PDCD1LG2: variants seen among roughly 807,000 people sequenced by gnomAD.
PDCD1LG2 encodes programmed cell death 1 ligand 2, also known as B7 dendritic cell molecule.
PDCD1LG2 carries 32 observed loss-of-function variants against 28.2 expected under a neutral mutation model. That is an observed-to-expected ratio of 1.13 (90% CI 0.86 to 1.52). The LOEUF (loss-of-function observed/expected upper bound fraction) is 1.52, where lower values mean the gene tolerates loss of function less well. Among genes scored for constraint, PDCD1LG2 ranks in the 40% most tolerant of loss-of-function variants. The pLI is 0.00. For synonymous variants in PDCD1LG2, 116 were observed against 120.2 expected, an observed-to-expected ratio of 0.97 and a Z score of 0.23; for missense variants, 385 against 323.8, an observed-to-expected ratio of 1.19 and a Z score of -1.45.
chr9:5,516,829 G>T (rs1194051741), intron 1 of PDCD1LG2, among the ~76,000 whole-genome samples: 4 of 152,248 alleles, frequency 2.6e-5, no homozygotes, highest in Non-Finnish European at 4.4e-5. Context: ...AGTGGGAAGA[G>T]GCCAGGGAGT....
At position 5,557,752 on chromosome 9, in the gene PDCD1LG2, G is replaced by A. The variant is rs1816475029; in HGVS notation, c.766G>A (p.Asp256Asn). 16 of 1,613,918 alleles carry A rather than the reference G, an allele frequency of 9.9e-6. No homozygotes were observed. Among genetic ancestry groups the A allele is most frequent in the Non-Finnish European group, 1.4e-5 (16 of 1,179,840 alleles). ...QLCQKLYSSKDTTKRPVTTTK... is the reference protein window; with the variant it reads ...QLCQKLYSSKNTTKRPVTTTK... ...CTGTCAAAAGCTGTATTCTTCAAAAGGTAAGTGAGTTTTATTCATGGTAAC... is the reference window on the plus strand; with the variant it reads ...CTGTCAAAAGCTGTATTCTTCAAAAAGTAAGTGAGTTTTATTCATGGTAAC... The change falls in exon 5 of 7, where the codon GAC (aspartate) becomes AAC (asparagine). Residue 256 changes from aspartate (D) to asparagine (N), a missense_variant and splice_region_variant. By Grantham distance (23) the Asp-to-Asn change is conservative. Coordinates refer to ENST00000397747, the MANE Select transcript of PDCD1LG2 (RefSeq NM_025239.4).
chr9:5,532,675 C>T (rs1820505154), intron 2 of PDCD1LG2, among the ~76,000 whole-genome samples: 1 of 152,146 alleles, frequency 6.6e-6, no homozygotes. Flanking sequence ...CAGCAGAAAA[C>T]CCAAAAGTTA....
At chr9:5,552,218 T>C (rs1474731180) in intron 4 of PDCD1LG2, among the ~76,000 whole-genome samples, 1 of 152,188 alleles carries the variant, frequency 6.6e-6, no homozygotes, top group African/African-American at 2.4e-5. Context: ...CTCCATTATG[T>C]AGCAGTGTTC....
chr9:5,521,837 C>G (rs188206402), intron 1 of PDCD1LG2, among the ~76,000 whole-genome samples: 50 of 152,308 alleles, frequency 3.3e-4, no homozygotes, highest in Non-Finnish European at 8.8e-5. Context: ...GCTGTGTGCT[C>G]TGTCCCTTTC....
chr9:5,540,605 G>C (rs1218629590), intron 3 of PDCD1LG2, among the ~76,000 whole-genome samples: 1 of 151,986 alleles, frequency 6.6e-6, no homozygotes, highest in Non-Finnish European at 1.5e-5. Flanking sequence ...GTACAAACTA[G>C]AAAAGCTAGA....
In PDCD1LG2 at chr9:5,552,588, T is replaced by C. The variant is rs182493518; in HGVS notation, c.631+2984T>C. ...ACAGAACTACCACCATCAAGTACAG[T>C]TGGGGTGAGGCAGACATGGTATGAG... is the stretch of plus-strand genomic sequence containing the variant. On this transcript the variant is annotated intron_variant, in intron 4 of 6. Transcript: ENST00000397747. Among the ~76,000 whole-genome samples, 274 of 152,242 alleles carry C rather than the reference T, an allele frequency of 1.8e-3. 5 individuals are homozygous for C. Among genetic ancestry groups the C allele is most frequent in the Admixed American group, 0.015 (234 of 15,292 alleles).
intron 3 of PDCD1LG2, among the ~76,000 whole-genome samples, chr9:5,545,883 G>T (rs1391374249): frequency 6.6e-6 from 1 of 152,256 alleles, no homozygotes; most frequent in East Asian, 1.9e-4. Context: ...GCTGTAGAAG[G>T]TGTTTTTCAT....
chr9:5,563,280 C>A, intron 6 of PDCD1LG2, 69 bp downstream of exon 6: 1 of 1,310,324 alleles, frequency 7.6e-7, no homozygotes, highest in South Asian at 1.3e-5. Flanking sequence ...TTTAAAGTAA[C>A]CACTGTTCTA....
rs1204038026 is a variant in PDCD1LG2 at position 5,515,922 on chromosome 9, CAAAAAAAAAAA to C, written c.-15+5136_-15+5146del. Among the ~76,000 whole-genome samples the C allele has an allele frequency of 1.3e-3, 39 of 30,304 alleles. 2 individuals are homozygous for C. In the Admixed American group the frequency reaches 0.018, roughly 14 times the overall value. 19.9% of individuals were successfully genotyped at this position (30,304 alleles called of 152,430 possible). On this transcript the variant is annotated intron_variant, in intron 1 of 6. Coordinates refer to ENST00000397747, the MANE Select transcript of PDCD1LG2 (RefSeq NM_025239.4). ...TGGGTGAGAGAGCAAGACTCCATCTCAAAAAAAAAAAAAAAAAAAAAAAAAAAGAAAAGAAA... is the reference window on the plus strand; with the variant it reads ...TGGGTGAGAGAGCAAGACTCCATCTCAAAAAAAAAAAAAAAAGAAAAGAAA...
chr9:5,563,853 C>T (rs1022489036), intron 6 of PDCD1LG2, among the ~76,000 whole-genome samples: 2 of 152,146 alleles, frequency 1.3e-5, no homozygotes, highest in Non-Finnish European at 1.5e-5. Context: ...TCTGGGAAAC[C>T]TCAGTTTTTT....
chr9:5,528,504 T>C (rs1820422158), intron 2 of PDCD1LG2, among the ~76,000 whole-genome samples: 1 of 150,704 alleles, frequency 6.6e-6, no homozygotes, highest in South Asian at 2.1e-4. Context: ...GGGGTCTCCT[T>C]GTGTTTCCCA....
intron 2 of PDCD1LG2, among the ~76,000 whole-genome samples, chr9:5,526,400 C>T (rs1270155674): frequency 6.6e-6 from 1 of 152,148 alleles, no homozygotes; most frequent in Non-Finnish European, 1.5e-5. Flanking sequence ...CTCTTCATAG[C>T]ACTATCTGAT....
chr9:5,562,030 G>C (rs368582701), intron 5 of PDCD1LG2, among the ~76,000 whole-genome samples: 1 of 152,170 alleles, frequency 6.6e-6, no homozygotes. Context: ...TCCAGGCCAA[G>C]CTCAGGATAG....
intron 4 of PDCD1LG2, among the ~76,000 whole-genome samples, chr9:5,554,629 C>A (rs1012672081): frequency 3.3e-5 from 5 of 152,198 alleles, no homozygotes; most frequent in African/African-American, 1.2e-4. Context: ...AGCAACAGAT[C>A]ATTTTCCTTT....
At chr9:5,563,327 T>C in intron 6 of PDCD1LG2, 116 bp downstream of exon 6, 1 of 877,256 alleles carries the variant, frequency 1.1e-6, no homozygotes, top group Non-Finnish European at 1.8e-6. Context: ...TTCCAGCTTA[T>C]AGAATCTTCC....
At chr9:5,547,767 T>C (rs937088668) in intron 3 of PDCD1LG2, among the ~76,000 whole-genome samples, 1 of 151,824 alleles carries the variant, frequency 6.6e-6, no homozygotes, top group African/African-American at 2.4e-5. Context: ...TGAAACCCCA[T>C]CTCTACTGAA....
intron 3 of PDCD1LG2, among the ~76,000 whole-genome samples, chr9:5,543,364 C>A (rs1322891277): frequency 2.6e-5 from 4 of 151,910 alleles, no homozygotes; most frequent in South Asian, 2.1e-4. Flanking sequence ...ACGGTGAAAC[C>A]CCGTCTCTAC....
intron 3 of PDCD1LG2, among the ~76,000 whole-genome samples, chr9:5,536,796 C>T (rs1208679078): frequency 6.6e-6 from 1 of 152,166 alleles, no homozygotes. Context: ...GATGTATGGG[C>T]ACAGGCAGTT....
At chr9:5,547,874 G>A (rs1388743513) in intron 3 of PDCD1LG2, among the ~76,000 whole-genome samples, 2 of 150,194 alleles carry the variant, frequency 1.3e-5, no homozygotes, top group Non-Finnish European at 3.0e-5. Flanking sequence ...GGAGGTGGAG[G>A]TTGCAGTGAG....
Sources: allele counts gnomAD v4.1 joint callset (sites outside exome capture counted in the v4.1 genomes callset), GRCh38; gene constraint gnomAD v4.1.1; transcripts MANE v1.5; gene names NCBI Gene and HGNC (gene_info 2026-07-23, HGNC 2026-07-21).